The following APTX variants were observed in gnomAD, a reference collection of about 807,000 sequenced individuals.
APTX encodes the protein forkhead-associated domain histidine triad-like protein.
A neutral mutation model predicts 42.3 loss-of-function variants in APTX; 33 were observed. The ratio of observed to expected loss-of-function variants is 0.78; its 90% CI spans 0.59 to 1.04. APTX has a LOEUF of 1.04. Among genes scored for constraint, APTX ranks in the 50% least tolerant of loss-of-function variants. The probability of loss-of-function intolerance (pLI) is 0.00; values close to 1 mark genes in which losing one functional copy is unlikely to be tolerated. For synonymous variants in APTX, 130 were observed against 146.7 expected (o/e 0.89, Z 0.82); for missense variants, 421 against 415.1 (o/e 1.01, Z -0.12).
At chr9:32,993,999 G>A (rs1020854015) in intron 1 of APTX, among the ~76,000 whole-genome samples, 4 of 152,162 alleles carry the variant, frequency 2.6e-5, no homozygotes, top group African/African-American at 9.7e-5. Context: ...GATTACAGGC[G>A]TGAGCCACCG....
chr9:33,012,689 T>C (rs1328127127), intron 1 of APTX, among the ~76,000 whole-genome samples: 2 of 152,154 alleles, frequency 1.3e-5, no homozygotes, highest in Non-Finnish European at 2.9e-5. Context: ...ACCCTAGCAG[T>C]TGCTACACAG....
intron 6 of APTX, among the ~76,000 whole-genome samples, chr9:32,982,937 A>G (rs1426341031): frequency 6.6e-6 from 1 of 151,500 alleles, no homozygotes; most frequent in Admixed American, 6.6e-5. Context: ...CCAAATATTT[A>G]TTCTTTTTTT....
chr9:33,011,466 T>C (rs894048776), intron 1 of APTX, among the ~76,000 whole-genome samples: 7 of 151,940 alleles, frequency 4.6e-5, no homozygotes, highest in Non-Finnish European at 7.4e-5. Context: ...TTTTTATTTT[T>C]AGTAGAGACG....
At position 32,973,660 on chromosome 9, in the gene APTX, C is replaced by G; in HGVS notation, c.875-8G>C. 6.3e-7 allele frequency: 1 copy of G among 1,596,258 alleles called. No individual in the cohort carries two copies. The highest frequency in any genetic ancestry group is 8.5e-7 in the Non-Finnish European group (1 of 1,175,488). On this transcript the variant is annotated splice_region_variant and splice_polypyrimidine_tract_variant and intron_variant, in intron 7 of 7. Coordinates refer to ENST00000379817, the MANE Select transcript of APTX (RefSeq NM_001195248.2). ...GTACCATCTCGATCACAGCTGCAGG[C>G]AAGGAAGAAAAGTCAAATCCCAGCT...
chr9:33,010,286 T>C (rs192308458), intron 1 of APTX, among the ~76,000 whole-genome samples: 1 of 152,216 alleles, frequency 6.6e-6, no homozygotes, highest in Admixed American at 6.5e-5. Flanking sequence ...AGTCTCAGGG[T>C]CTTGGCCTCC....
upstream of APTX, among the ~76,000 whole-genome samples, chr9:33,005,508 C>G (rs1453306589): frequency 1.3e-5 from 2 of 152,030 alleles, no homozygotes; most frequent in Non-Finnish European, 2.9e-5. Context: ...GCAATCACAG[C>G]TTACTGCAGC....
chr9:33,001,956 T>A (rs1836648711), upstream of APTX, among the ~76,000 whole-genome samples: 1 of 152,174 alleles, frequency 6.6e-6, no homozygotes, highest in Admixed American at 6.5e-5. Flanking sequence ...TTCACAACCT[T>A]TAAGGCCATC....
At chr9:32,979,071 T>C (rs935304883) in intron 6 of APTX, among the ~76,000 whole-genome samples, 1 of 152,202 alleles carries the variant, frequency 6.6e-6, no homozygotes, top group Non-Finnish European at 1.5e-5. Flanking sequence ...CAGGGATCCA[T>C]GTGCAGGTTT....
Position 32,989,964 on chromosome 9 carries a change from C to T in APTX, c.-4-69G>A, listed in dbSNP as rs1327558611. ...AGCACGAGTCCTCCAGGGCCACACC[C>T]GGTGCCACCACGCATGTGATCTACC... On this transcript the variant is annotated intron_variant, in intron 1 of 7. Transcript: ENST00000379817. 7 of 1,555,610 alleles carry T rather than the reference C, an allele frequency of 4.5e-6. No homozygotes were observed. The South Asian group carries it at 5.8e-5, about 13-fold the overall frequency.
chr9:32,985,941 T>A (rs10971267), intron 5 of APTX, 30 bp downstream of exon 5: 1 of 1,593,964 alleles, frequency 6.3e-7, no homozygotes, highest in East Asian at 2.2e-5. Flanking sequence ...CAACATGAAA[T>A]GTACTGAAAT....
upstream of APTX, among the ~76,000 whole-genome samples, chr9:33,003,218 CAG>C (rs758759025): frequency 6.6e-6 from 1 of 152,270 alleles, no homozygotes; most frequent in South Asian, 2.1e-4. Context: ...CAAAATTGGG[CAG>C]AGTTTCCACG....
intron 1 of APTX, among the ~76,000 whole-genome samples, chr9:32,994,583 A>G (rs556520770): frequency 6.6e-6 from 1 of 152,348 alleles, no homozygotes; most frequent in East Asian, 1.9e-4. Context: ...AATCTGTGTC[A>G]AGCAAGTCTT....
chr9:33,014,939 G>A (rs886301807), intron 1 of APTX, among the ~76,000 whole-genome samples: 1 of 152,222 alleles, frequency 6.6e-6, no homozygotes, highest in Non-Finnish European at 1.5e-5. Context: ...CTTCTCCAGA[G>A]TACTGGATTG....
intron 6 of APTX, among the ~76,000 whole-genome samples, chr9:32,983,852 G>C (rs142354270): frequency 2.8e-4 from 43 of 152,246 alleles, no homozygotes; most frequent in African/African-American, 1.0e-3. Context: ...AGGAGTGGGA[G>C]GGGGAAATGG....
chr9:32,977,416 C>G lies in APTX; in HGVS notation c.771-2855G>C, dbSNP rs143631013. Among the ~76,000 whole-genome samples the G allele has an allele frequency of 1.3e-4, 20 of 152,212 alleles. No individual in the cohort carries two copies. In the East Asian group the frequency reaches 2.7e-3, roughly 21 times the overall value. On this transcript the variant is annotated intron_variant, in intron 6 of 7. Transcript: ENST00000379817. ...AAAGGATACCTGGAGCCGAGGAGTT[C>G]AAGGCCGCAGTGAGCTATGATCTTG... is the stretch of plus-strand genomic sequence containing the variant.
At chr9:32,976,807 A>T (rs528573193) in intron 6 of APTX, among the ~76,000 whole-genome samples, 1 of 152,256 alleles carries the variant, frequency 6.6e-6, no homozygotes, top group Non-Finnish European at 1.5e-5. Context: ...TATTAAGTAC[A>T]ATACACCTGC....
At chr9:33,000,200 T>A (rs2119102074) in intron 1 of APTX, among the ~76,000 whole-genome samples, 1 of 152,198 alleles carries the variant, frequency 6.6e-6, no homozygotes. Context: ...CACCATGGGG[T>A]TGTCACAAGA....
chr9:33,017,980 A>C (rs1838035919), intron 1 of APTX, among the ~76,000 whole-genome samples: 1 of 137,278 alleles, frequency 7.3e-6, no homozygotes, highest in African/African-American at 2.8e-5. Flanking sequence ...TCATTAATAT[A>C]ATCTCAGATG....
chr9:32,998,612 A>C (rs1367105864), intron 1 of APTX, among the ~76,000 whole-genome samples: 2 of 152,158 alleles, frequency 1.3e-5, no homozygotes, highest in South Asian at 2.1e-4. Flanking sequence ...CAGCAAACTA[A>C]CACAGGAACA....
Sources: gnomAD v4.1 joint callset for allele counts (sites outside exome capture counted in the v4.1 genomes callset) on GRCh38, gnomAD v4.1.1 for gene constraint, MANE v1.5 for transcripts, NCBI Gene and HGNC (gene_info 2026-07-23, HGNC 2026-07-21) for gene names.